Variants in CLYBL observed in about 807,000 individuals in gnomAD.
CLYBL encodes citramalyl-CoA lyase, mitochondrial.
A neutral mutation model predicts 38.9 loss-of-function variants in CLYBL; 31 were observed. That is an observed-to-expected ratio of 0.80 (90% CI 0.60 to 1.08). CLYBL has a LOEUF of 1.08. Among genes scored for constraint, CLYBL ranks in the 50% least tolerant of loss-of-function variants. CLYBL has a pLI of 0.00. For synonymous variants in CLYBL, 171 were observed against 158.6 expected (o/e 1.08, Z -0.59); for missense variants, 434 against 411.6 (o/e 1.05, Z -0.47).
At chr13:99,873,615 C>T (rs889401713) in intron 7 of CLYBL, among the ~76,000 whole-genome samples, 2 of 152,156 alleles carry the variant, frequency 1.3e-5, no homozygotes, top group African/African-American at 4.8e-5. Context: ...GCACTTCTTC[C>T]TGCTCTCATC....
chr13:99,702,094 T>G (rs2048075589), intron 1 of CLYBL, among the ~76,000 whole-genome samples: 2 of 152,188 alleles, frequency 1.3e-5, no homozygotes, highest in Admixed American at 1.3e-4. Context: ...GGCATTGTTT[T>G]CATCACACCT....
intron 1 of CLYBL, among the ~76,000 whole-genome samples, chr13:99,670,078 A>T (rs893625481): frequency 6.6e-6 from 1 of 151,900 alleles, no homozygotes; most frequent in Non-Finnish European, 1.5e-5. Context: ...ATGCACCTGT[A>T]GTCCCAGCTA....
In CLYBL at chr13:99,883,164, C is replaced by T. The variant is rs545750338; in HGVS notation, c.928-8154C>T. The stretch of plus-strand genomic sequence containing the variant: ...ACAGGAACCCCACCGGGTTTCAGTC[C>T]AGCTTCGTCTAATAGAGACTGTCTT... On this transcript the variant is annotated intron_variant, in intron 7 of 8. Coordinates refer to ENST00000339105, the MANE Select transcript of CLYBL (RefSeq NM_206808.5). Among the ~76,000 whole-genome samples, 11 of 152,274 alleles carry T rather than the reference C, an allele frequency of 7.2e-5. No homozygotes were observed. In the South Asian group the frequency reaches 2.3e-3, roughly 32 times the overall value.
At chr13:99,751,370 G>A (rs566463159) in intron 1 of CLYBL, among the ~76,000 whole-genome samples, 2 of 152,142 alleles carry the variant, frequency 1.3e-5, no homozygotes, top group South Asian at 2.1e-4. Flanking sequence ...ACAGGTGTCT[G>A]CCACCATACC....
intron 7 of CLYBL, among the ~76,000 whole-genome samples, chr13:99,886,086 T>C (rs1162279026): frequency 6.6e-6 from 1 of 152,194 alleles, no homozygotes; most frequent in African/African-American, 2.4e-5. Flanking sequence ...AAAAGGACTC[T>C]AGCCGCTGTA....
intron 2 of CLYBL, among the ~76,000 whole-genome samples, chr13:99,825,042 G>A (rs900035346): frequency 4.6e-5 from 7 of 152,304 alleles, no homozygotes; most frequent in South Asian, 4.1e-4. Context: ...GTACCTGGCC[G>A]TCTGTGGGTA....
rs904908829 is a variant in CLYBL at position 99,702,488 on chromosome 13, C to T, written c.63-70336C>T. ...TCTACTAAAAAATACAAAAATTAGCCGGGCGTGGTGTCGCATGCCTGTAAT... is the reference window on the plus strand; with the variant it reads ...TCTACTAAAAAATACAAAAATTAGCTGGGCGTGGTGTCGCATGCCTGTAAT... On this transcript the variant is annotated intron_variant, in intron 1 of 8. Coordinates refer to ENST00000339105, the MANE Select transcript of CLYBL (RefSeq NM_206808.5). Among the ~76,000 whole-genome samples, 20 of 152,032 alleles carry T rather than the reference C, an allele frequency of 1.3e-4. 1 individual carries two copies. The South Asian group carries it at 2.9e-3, about 22-fold the overall frequency.
intron 2 of CLYBL, among the ~76,000 whole-genome samples, chr13:99,822,754 T>C (rs1344507689): frequency 6.6e-6 from 1 of 152,242 alleles, no homozygotes; most frequent in African/African-American, 2.4e-5. Flanking sequence ...TGGTCTCTTT[T>C]CTGTTACAAT....
intron 1 of CLYBL, among the ~76,000 whole-genome samples, chr13:99,741,480 G>A (rs1207735611): frequency 2.0e-5 from 3 of 152,038 alleles, no homozygotes; most frequent in African/African-American, 7.3e-5. Context: ...AAGGCTGACT[G>A]CTGAATAAAA....
chr13:99,624,683 A>G (rs1297545893), intron 1 of CLYBL, among the ~76,000 whole-genome samples: 1 of 152,178 alleles, frequency 6.6e-6, no homozygotes, highest in Non-Finnish European at 1.5e-5. Flanking sequence ...GCGCTGAGAT[A>G]TCCCCGGGAG....
At chr13:99,712,096 A>G (rs930884212) in intron 1 of CLYBL, among the ~76,000 whole-genome samples, 1 of 152,228 alleles carries the variant, frequency 6.6e-6, no homozygotes, top group African/African-American at 2.4e-5. Flanking sequence ...ATTTGATCAC[A>G]CTGGGAATGA....
chr13:99,723,576 T>C (rs1050367911), intron 1 of CLYBL, among the ~76,000 whole-genome samples: 4 of 152,130 alleles, frequency 2.6e-5, no homozygotes, highest in Non-Finnish European at 4.4e-5. Flanking sequence ...AAGAGGAAAA[T>C]CCGTAGTTTC....
At chr13:99,845,581 A>T (rs1017718520) in intron 2 of CLYBL, among the ~76,000 whole-genome samples, 10 of 152,190 alleles carry the variant, frequency 6.6e-5, no homozygotes, top group African/African-American at 2.4e-4. Flanking sequence ...TTTTATTAGC[A>T]TTTGCTCGAG....
intron 1 of CLYBL, among the ~76,000 whole-genome samples, chr13:99,730,114 C>T (rs2048561760): frequency 6.6e-6 from 1 of 152,198 alleles, no homozygotes; most frequent in African/African-American, 2.4e-5. Flanking sequence ...TGGAGGATGG[C>T]TGGCCACTGT....
At chr13:99,689,404 C>T (rs1463738537) in intron 1 of CLYBL, among the ~76,000 whole-genome samples, 1 of 152,150 alleles carries the variant, frequency 6.6e-6, no homozygotes, top group African/African-American at 2.4e-5. Context: ...AATAATCTGG[C>T]TCTAACTTCT....
In CLYBL at chr13:99,863,068, T is replaced by C. The variant is rs2051647804; in HGVS notation, c.516T>C (p.Thr172=). The change falls in exon 4 of 9, where the codon ACT becomes ACC. Residue 172 remains threonine, a synonymous_variant. Transcript: ENST00000339105. ...TGAATTTAATCCCTTTTGTGGAAAC[T>C]GCAATGGGTTTGCTCAATTTTAAGG... ...QPMNLIPFVE[T]AMGLLNFKAV... 1.2e-6 allele frequency: 2 copies of C among 1,604,940 alleles called. No individual in the cohort carries two copies. Among genetic ancestry groups the C allele is most frequent in the East Asian group, 2.2e-5 (1 of 44,452 alleles).
chr13:99,850,572 G>A (rs576242812), intron 2 of CLYBL, among the ~76,000 whole-genome samples: 34 of 152,198 alleles, frequency 2.2e-4, no homozygotes, highest in Non-Finnish European at 4.1e-4. Context: ...GTGCATTGCC[G>A]ATGGGAAGGC....
chr13:99,727,505 A>AG (rs147933239), intron 1 of CLYBL: 9,730 of 151,730 alleles, frequency 0.064, 397 homozygotes, highest in Non-Finnish European at 0.089. Flanking sequence ...GCAACCAAGT[A>AG]GAAAAAAAGG....
At chr13:99,875,732 C>A (rs754300501) in intron 7 of CLYBL, among the ~76,000 whole-genome samples, 1 of 152,214 alleles carries the variant, frequency 6.6e-6, no homozygotes, top group African/African-American at 2.4e-5. Flanking sequence ...CCACACCCAT[C>A]CAGCCCACGA....
Sources: allele counts gnomAD v4.1 joint callset (sites outside exome capture counted in the v4.1 genomes callset), GRCh38; gene constraint gnomAD v4.1.1; transcripts MANE v1.5; gene names NCBI Gene and HGNC (gene_info 2026-07-23, HGNC 2026-07-21).